AP3B1: variants seen among roughly 807,000 people sequenced by gnomAD.
The protein encoded by AP3B1 is AP-3 complex subunit beta-1.
AP3B1 carries 61 observed loss-of-function variants against 132.5 expected under a neutral mutation model. The ratio of observed to expected loss-of-function variants is 0.46; its 90% CI spans 0.37 to 0.57. The LOEUF (loss-of-function observed/expected upper bound fraction) is 0.57, where lower values mean the gene tolerates loss of function less well. Ranked by LOEUF, AP3B1 falls within the 20% of genes least tolerant of loss-of-function variation. AP3B1 has a pLI of 0.00. For missense variants in AP3B1, 1,120 were observed against 1,289.4 expected (o/e 0.87, Z 2.01); for synonymous variants, 388 against 438.3 (o/e 0.89, Z 1.43).
At chr5:78,182,597 C>T (rs998423869) in intron 7 of AP3B1, among the ~76,000 whole-genome samples, 5 of 152,168 alleles carry the variant, frequency 3.3e-5, no homozygotes, top group Non-Finnish European at 4.4e-5. Context: ...GGTGCAGAAG[C>T]TGGCAACAAA....
chr5:78,099,948 T>C (rs1434730276), intron 21 of AP3B1, among the ~76,000 whole-genome samples: 1 of 151,916 alleles, frequency 6.6e-6, no homozygotes, highest in Non-Finnish European at 1.5e-5. Flanking sequence ...TTGATAGATA[T>C]TGCTAAAATG....
At chr5:78,226,222 G>A (rs984317042) in intron 5 of AP3B1, among the ~76,000 whole-genome samples, 2 of 152,112 alleles carry the variant, frequency 1.3e-5, no homozygotes, top group African/African-American at 2.4e-5. Flanking sequence ...AGCCGTTAGA[G>A]TGAGCATGGA....
intron 1 of AP3B1, among the ~76,000 whole-genome samples, chr5:78,284,008 G>A (rs921662820): frequency 6.6e-6 from 1 of 151,860 alleles, no homozygotes; most frequent in Admixed American, 6.6e-5. Flanking sequence ...ATGTGCTCTC[G>A]CCACACTGAA....
At chr5:78,174,546 G>T (rs1302358909) in intron 11 of AP3B1, among the ~76,000 whole-genome samples, 1 of 152,198 alleles carries the variant, frequency 6.6e-6, no homozygotes, top group Admixed American at 6.5e-5. Flanking sequence ...CTGCAGCACA[G>T]CAAATACTGT....
chr5:78,144,783 A>G (rs1170273374), intron 14 of AP3B1, among the ~76,000 whole-genome samples: 1 of 152,190 alleles, frequency 6.6e-6, no homozygotes, highest in Non-Finnish European at 1.5e-5. Context: ...CCCATTAAAC[A>G]TTATGTGAAA....
intron 22 of AP3B1, among the ~76,000 whole-genome samples, chr5:78,085,851 A>G (rs1750223405): frequency 1.3e-5 from 2 of 152,168 alleles, no homozygotes; most frequent in Non-Finnish European, 2.9e-5. Flanking sequence ...TTTGAAGAAA[A>G]AGAAATGGAA....
At position 78,291,161 on chromosome 5, in the gene AP3B1, A is replaced by C. The variant is rs142630851; in HGVS notation, c.128+3291T>G. ...ATAAGATTAAATTCAGAAAACAAAA[A>C]TTGCCGATAATACTATGACTAGGAA... is the stretch of plus-strand genomic sequence containing the variant. On this transcript the variant is annotated intron_variant, in intron 1 of 26. Transcript: ENST00000255194. Among the ~76,000 whole-genome samples the C allele has an allele frequency of 1.6e-3, 239 of 152,220 alleles. 2 individuals carry two copies. The highest frequency in any genetic ancestry group is 5.3e-3 in the African/African-American group (220 of 41,546).
chr5:78,211,217 C>T (rs895061262), intron 7 of AP3B1, among the ~76,000 whole-genome samples: 5 of 152,124 alleles, frequency 3.3e-5, no homozygotes, highest in African/African-American at 7.2e-5. Context: ...TAAAGTCAAT[C>T]GGTCTTCTCC....
intron 22 of AP3B1, among the ~76,000 whole-genome samples, chr5:78,075,420 A>C (rs1000289683): frequency 6.6e-6 from 1 of 152,160 alleles, no homozygotes; most frequent in Non-Finnish European, 1.5e-5. Context: ...CTTCCATACC[A>C]AAACAAAGGA....
chr5:78,128,227 T>C, intron 16 of AP3B1, 67 bp from the exon 17 acceptor site: 1 of 1,386,404 alleles, frequency 7.2e-7, no homozygotes. Flanking sequence ...ACAATCATAA[T>C]CAGAGCTCAA....
At chr5:78,270,479 A>C (rs1044419860) in intron 1 of AP3B1, among the ~76,000 whole-genome samples, 8 of 152,202 alleles carry the variant, frequency 5.3e-5, no homozygotes, top group African/African-American at 1.9e-4. Context: ...TGCCCAAAAA[A>C]GGATGTATAA....
chr5:78,228,756 C>T (rs887654127), intron 3 of AP3B1, among the ~76,000 whole-genome samples: 2 of 152,092 alleles, frequency 1.3e-5, no homozygotes, highest in African/African-American at 2.4e-5. Flanking sequence ...AACTTGTTTC[C>T]TCATCTGTTA....
At chr5:78,019,312 C>T (rs1391329736) in intron 25 of AP3B1, among the ~76,000 whole-genome samples, 3 of 151,980 alleles carry the variant, frequency 2.0e-5, no homozygotes, top group Non-Finnish European at 4.4e-5. Flanking sequence ...AAAATTTGAT[C>T]GAAATATTAA....
intron 25 of AP3B1, among the ~76,000 whole-genome samples, chr5:78,019,063 CA>C (rs1310729656): frequency 6.6e-6 from 1 of 152,092 alleles, no homozygotes; most frequent in Non-Finnish European, 1.5e-5. Flanking sequence ...TTCATATAAA[CA>C]AATTTTCAAA....
intron 20 of AP3B1, among the ~76,000 whole-genome samples, chr5:78,106,478 G>C (rs1223089236): frequency 6.6e-6 from 1 of 151,800 alleles, no homozygotes; most frequent in East Asian, 1.9e-4. Context: ...AAGAAAGAAA[G>C]AAAGAAAGAA....
intron 3 of AP3B1, among the ~76,000 whole-genome samples, chr5:78,236,457 A>G (rs1401953689): frequency 6.6e-6 from 1 of 152,260 alleles, no homozygotes; most frequent in Non-Finnish European, 1.5e-5. Flanking sequence ...GGGAGGAATC[A>G]TCAAACAGGA....
intron 14 of AP3B1, among the ~76,000 whole-genome samples, chr5:78,149,441 T>C (rs1255308091): frequency 6.6e-6 from 1 of 152,188 alleles, no homozygotes; most frequent in Non-Finnish European, 1.5e-5. Flanking sequence ...GCCTGGCAAA[T>C]GATATGCTCT....
chr5:78,115,578 AG>A (rs1751790320), intron 18 of AP3B1, among the ~76,000 whole-genome samples: 1 of 152,204 alleles, frequency 6.6e-6, no homozygotes, highest in African/African-American at 2.4e-5. Flanking sequence ...GGTAAAAGCC[AG>A]GGCCTCTAAA....
chr5:78,108,177 ATAGATT>A (rs1227108380), intron 20 of AP3B1, among the ~76,000 whole-genome samples: 1 of 152,224 alleles, frequency 6.6e-6, no homozygotes, highest in African/African-American at 2.4e-5. Context: ...GAGTAAAAAT[ATAGATT>A]TAGTTAGGCT....
Sources: allele counts gnomAD v4.1 joint callset (sites outside exome capture counted in the v4.1 genomes callset), GRCh38; gene constraint gnomAD v4.1.1; transcripts MANE v1.5; gene names NCBI Gene and HGNC (gene_info 2026-07-23, HGNC 2026-07-21).